Variants in CRIM1 observed in about 807,000 individuals in gnomAD.
CRIM1 encodes the protein cysteine rich transmembrane BMP regulator 1, also known as cysteine-rich motor neuron 1 protein.
A neutral mutation model predicts 116.4 loss-of-function variants in CRIM1; 32 were observed. The observed-to-expected ratio is 0.27, with a 90% CI of 0.21 to 0.37. CRIM1 has a LOEUF of 0.37. CRIM1 is among the 10% of genes least tolerant of loss of function. The pLI is 1.00. For synonymous variants in CRIM1, 590 were observed against 509.2 expected (o/e 1.16, Z -2.13); for missense variants, 1,331 against 1,354.8 (o/e 0.98, Z 0.28).
chr2:36,427,087 A>G (rs527375901), intron 2 of CRIM1, among the ~76,000 whole-genome samples: 2 of 151,856 alleles, frequency 1.3e-5, no homozygotes, highest in Admixed American at 6.6e-5. Context: ...TATAATCCCA[A>G]CTACTCAGGA....
intron 1 of CRIM1, among the ~76,000 whole-genome samples, chr2:36,392,466 C>G (rs17018688): frequency 0.14 from 21,404 of 151,308 alleles, 1,870 homozygotes; most frequent in East Asian, 0.49. Flanking sequence ...TTTTTCCTGA[C>G]CAGTCCAAGG....
Position 36,482,058 on chromosome 2 carries a change from C to A in CRIM1, c.1372+2364C>A, listed in dbSNP as rs567283914. Among the ~76,000 whole-genome samples, 85 of 152,302 alleles carry A rather than the reference C, an allele frequency of 5.6e-4. 1 individual carries two copies. Among genetic ancestry groups the A allele is most frequent in the Non-Finnish European group, 8.8e-4 (60 of 68,020 alleles). On this transcript the variant is annotated intron_variant, in intron 7 of 16. Coordinates refer to ENST00000280527, the MANE Select transcript of CRIM1 (RefSeq NM_016441.3). ...ATCCCTGAGTTCACTTCTAGAGCCT[C>A]AGGTCTGGGCAGCCCCCTCCACCTC...
intron 2 of CRIM1, among the ~76,000 whole-genome samples, chr2:36,433,669 G>C (rs1675074315): frequency 6.6e-6 from 1 of 152,212 alleles, no homozygotes; most frequent in African/African-American, 2.4e-5. Flanking sequence ...GTGGGATCCA[G>C]ACAGTGGTAT....
chr2:36,435,401 AT>A (rs1675227286), intron 2 of CRIM1, among the ~76,000 whole-genome samples: 1 of 152,056 alleles, frequency 6.6e-6, no homozygotes, highest in Non-Finnish European at 1.5e-5. Context: ...AGATTTCAAA[AT>A]AGAAGTTTTC....
chr2:36,500,436 A>T (rs932857523), intron 8 of CRIM1, among the ~76,000 whole-genome samples: 3 of 152,198 alleles, frequency 2.0e-5, no homozygotes, highest in Non-Finnish European at 4.4e-5. Flanking sequence ...TATTGAGGTT[A>T]TAAGTAGCTA....
rs764933162 is a variant in CRIM1, at chr2:36,479,610, G to A, written c.1288G>A (p.Glu430Lys). Residue 430 changes from glutamate to lysine, a missense_variant, in exon 7 of 17, where the codon GAA becomes AAA. By Grantham distance (56) the Glu-to-Lys change is moderately conservative (BLOSUM62 1). Coordinates refer to ENST00000280527, the MANE Select transcript of CRIM1 (RefSeq NM_016441.3). ...CACATTCTGCCAGTGCGTCAACGGT[G>A]AACGCCACTGCGTTGCGACCGTCTG... ...DCTFCQCVNGERHCVATVCGQ... is the reference protein window; with the variant it reads ...DCTFCQCVNGKRHCVATVCGQ... 6.2e-7 allele frequency: 1 copy of A among 1,614,248 alleles called. No homozygotes were observed. Among genetic ancestry groups the A allele is most frequent in the Non-Finnish European group, 8.5e-7 (1 of 1,180,040 alleles).
At chr2:36,465,002 G>T (rs534540355) in intron 5 of CRIM1, among the ~76,000 whole-genome samples, 16 of 152,184 alleles carry the variant, frequency 1.1e-4, no homozygotes, top group Non-Finnish European at 1.6e-4. Context: ...TGGTCCCATG[G>T]CTGTCGGGAG....
chr2:36,506,677 C>T (rs1681455194), intron 8 of CRIM1, among the ~76,000 whole-genome samples: 1 of 152,048 alleles, frequency 6.6e-6, no homozygotes, highest in African/African-American at 2.4e-5. Flanking sequence ...CGTAACTTCT[C>T]CCCATGTATT....
In CRIM1 at chr2:36,443,753, G is replaced by C. The variant is rs1038720192; in HGVS notation, c.869+1018G>C. On this transcript the variant is annotated intron_variant, in intron 4 of 16. Transcript: ENST00000280527. Reference sequence around the variant, plus strand: ...TATCAGTTATCTGTCCGTAATTGAAGAGACATCCAGAATTTGTTCTGATAA... The same window carrying C: ...TATCAGTTATCTGTCCGTAATTGAACAGACATCCAGAATTTGTTCTGATAA... Among the ~76,000 whole-genome samples, 73 of 152,326 alleles carry C rather than the reference G, an allele frequency of 4.8e-4. 2 individuals carry two copies. Among genetic ancestry groups the C allele is most frequent in the South Asian group, 1.4e-3 (7 of 4,828 alleles).
At chr2:36,393,106 G>A (rs1052543550) in intron 1 of CRIM1, among the ~76,000 whole-genome samples, 2 of 152,208 alleles carry the variant, frequency 1.3e-5, no homozygotes, top group Non-Finnish European at 2.9e-5. Flanking sequence ...GCATCTGGCA[G>A]TGAAAACCAA....
At chr2:36,373,752 T>C (rs1267249468) in intron 1 of CRIM1, among the ~76,000 whole-genome samples, 1 of 152,120 alleles carries the variant, frequency 6.6e-6, no homozygotes, top group South Asian at 2.1e-4. Context: ...TATGCACACG[T>C]TGGAGATTAT....
At chr2:36,543,049 G>A (rs848607) in intron 14 of CRIM1, among the ~76,000 whole-genome samples, 54,292 of 152,050 alleles carry the variant, frequency 0.36, 10,058 homozygotes, top group South Asian at 0.5. Context: ...CACTGAACCT[G>A]TAGAAACTAT....
intron 2 of CRIM1, among the ~76,000 whole-genome samples, chr2:36,425,448 A>G (rs1045070463): frequency 6.6e-6 from 1 of 152,196 alleles, no homozygotes; most frequent in African/African-American, 2.4e-5. Flanking sequence ...GAAGAACTCT[A>G]TTAGCTTTAC....
intron 15 of CRIM1, 56 bp from the exon 16 acceptor site, chr2:36,546,925 AAAT>A: frequency 9.8e-7 from 1 of 1,022,292 alleles, no homozygotes; most frequent in Non-Finnish European, 1.5e-6. Context: ...AATGTCATTA[AAAT>A]AATCCTTAAC....
intron 4 of CRIM1, among the ~76,000 whole-genome samples, chr2:36,449,039 T>C (rs1676478323): frequency 6.6e-6 from 1 of 152,106 alleles, no homozygotes; most frequent in African/African-American, 2.4e-5. Context: ...GACTTGTTTT[T>C]TTTTTTTTCC....
intron 4 of CRIM1, among the ~76,000 whole-genome samples, chr2:36,443,455 C>T (rs570636803): frequency 3.9e-5 from 6 of 152,158 alleles, no homozygotes; most frequent in Non-Finnish European, 5.9e-5. Flanking sequence ...TGTTTTCCCC[C>T]GACTACTCAC....
chr2:36,537,435 A>G lies in CRIM1; in HGVS notation c.2512A>G (p.Thr838Ala). The G allele has an allele frequency of 1.2e-6, 2 of 1,614,158 alleles. No individual in the cohort carries two copies. Among genetic ancestry groups the G allele is most frequent in the Non-Finnish European group, 1.7e-6 (2 of 1,180,032 alleles). The change falls in exon 14 of 17, where the codon ACC becomes GCC. Residue 838 changes from threonine (T) to alanine (A), a missense_variant. Coordinates refer to ENST00000280527, the MANE Select transcript of CRIM1 (RefSeq NM_016441.3). Reference sequence around the variant, plus strand: ...GGAGCGGTGGGACCTTGACAGCTGCACCCACTGCTACTGCCTGCAGGGCCA... The same window carrying G: ...GGAGCGGTGGGACCTTGACAGCTGCGCCCACTGCTACTGCCTGCAGGGCCA... ...DEERWDLDSC[T>A]HCYCLQGQTL...
chr2:36,508,797 G>T (rs1681604594), intron 8 of CRIM1, among the ~76,000 whole-genome samples: 1 of 152,012 alleles, frequency 6.6e-6, no homozygotes, highest in Non-Finnish European at 1.5e-5. Flanking sequence ...CTTCTATTAG[G>T]CTAATAACTT....
chr2:36,495,064 A>G (rs1295813594), intron 7 of CRIM1, among the ~76,000 whole-genome samples: 2 of 152,170 alleles, frequency 1.3e-5, no homozygotes, highest in Non-Finnish European at 2.9e-5. Context: ...AACGGGGGAC[A>G]GTTTTCTTTG....
Sources: allele counts gnomAD v4.1 joint callset (sites outside exome capture counted in the v4.1 genomes callset), GRCh38; gene constraint gnomAD v4.1.1; transcripts MANE v1.5; gene names NCBI Gene and HGNC (gene_info 2026-07-23, HGNC 2026-07-21).